Variants in CAMK4 observed in about 807,000 individuals in gnomAD.
CAMK4 encodes calcium/calmodulin-dependent protein kinase type IV.
In CAMK4, 22 loss-of-function variants were observed where a neutral mutation model predicts 44.9. That is an observed-to-expected ratio of 0.49 (90% CI 0.35 to 0.70). The LOEUF is 0.70. CAMK4 is among the 30% of genes least tolerant of loss of function. CAMK4 has a pLI of 0.01. For missense variants in CAMK4, 498 were observed against 586.8 expected (o/e 0.85, Z 1.56); for synonymous variants, 218 against 215.4 (o/e 1.01, Z -0.11).
chr5:111,387,767 C>T (rs958799469), intron 4 of CAMK4, among the ~76,000 whole-genome samples: 19 of 152,162 alleles, frequency 1.2e-4, no homozygotes, highest in African/African-American at 4.1e-4. Flanking sequence ...GTGGGTGATC[C>T]AAGCAACAAT....
At chr5:111,300,819 TC>T (rs778384099) in intron 1 of CAMK4, among the ~76,000 whole-genome samples, 1 of 152,198 alleles carries the variant, frequency 6.6e-6, no homozygotes, top group Non-Finnish European at 1.5e-5. Flanking sequence ...ATAAGAATTC[TC>T]CTAAGAATTG....
intron 1 of CAMK4, among the ~76,000 whole-genome samples, chr5:111,274,830 A>G (rs1043960344): frequency 6.6e-6 from 1 of 152,128 alleles, no homozygotes; most frequent in African/African-American, 2.4e-5. Context: ...GTAGGCAACT[A>G]TCAGTTTCTT....
At chr5:111,473,449 C>A in intron 8 of CAMK4, 63 bp downstream of exon 8, 2 of 997,920 alleles carry the variant, frequency 2.0e-6, no homozygotes, top group Non-Finnish European at 3.1e-6. Flanking sequence ...TTCTAGATAC[C>A]TCTAATGCTC....
At chr5:111,355,817 A>G (rs1750324103) in intron 2 of CAMK4, among the ~76,000 whole-genome samples, 2 of 148,588 alleles carry the variant, frequency 1.3e-5, no homozygotes, top group African/African-American at 2.5e-5. Context: ...CCATGTCCCT[A>G]CAAAGGACAT....
intron 1 of CAMK4, among the ~76,000 whole-genome samples, chr5:111,279,152 T>C (rs1750897811): frequency 1.3e-5 from 2 of 152,166 alleles, no homozygotes; most frequent in Admixed American, 1.3e-4. Flanking sequence ...TTTCTTTTAT[T>C]TGTAGCAAAT....
At chr5:111,394,314 A>T (rs1751917247) in intron 4 of CAMK4, among the ~76,000 whole-genome samples, 1 of 152,114 alleles carries the variant, frequency 6.6e-6, no homozygotes. Flanking sequence ...CTTCAAAATA[A>T]TAAGGAAGGA....
chr5:111,473,043 C>T (rs1755117340), intron 7 of CAMK4, among the ~76,000 whole-genome samples: 1 of 152,144 alleles, frequency 6.6e-6, no homozygotes, highest in Admixed American at 6.5e-5. Flanking sequence ...GCTCTATCTA[C>T]TTGATTTGAG....
At chr5:111,352,287 G>A (rs1268544602) in intron 2 of CAMK4, among the ~76,000 whole-genome samples, 1 of 152,066 alleles carries the variant, frequency 6.6e-6, no homozygotes, top group Non-Finnish European at 1.5e-5. Flanking sequence ...TTTATAATGT[G>A]TCAGAGACTG....
intron 5 of CAMK4, among the ~76,000 whole-genome samples, chr5:111,414,167 A>C (rs901677172): frequency 2.0e-5 from 3 of 152,192 alleles, no homozygotes; most frequent in Admixed American, 2.0e-4. Flanking sequence ...TAAGTGACTG[A>C]GATGCTGCTA....
intron 1 of CAMK4, among the ~76,000 whole-genome samples, chr5:111,228,962 A>G (rs1040719545): frequency 6.6e-6 from 1 of 152,224 alleles, no homozygotes; most frequent in African/African-American, 2.4e-5. Flanking sequence ...TAAGAGTGCC[A>G]GGGGCTGTGT....
intron 1 of CAMK4, among the ~76,000 whole-genome samples, chr5:111,329,290 T>C (rs1749048033): frequency 6.6e-6 from 1 of 151,936 alleles, no homozygotes; most frequent in Non-Finnish European, 1.5e-5. Flanking sequence ...GGGCGAAAAC[T>C]GTAAGCATTC....
intron 4 of CAMK4, among the ~76,000 whole-genome samples, chr5:111,392,349 A>G (rs1341598021): frequency 2.0e-5 from 3 of 151,856 alleles, no homozygotes; most frequent in Non-Finnish European, 2.9e-5. Flanking sequence ...ATAAGATCTC[A>G]TGACAACTCA....
intron 7 of CAMK4, among the ~76,000 whole-genome samples, chr5:111,453,492 G>T (rs1754305146): frequency 6.6e-6 from 1 of 152,136 alleles, no homozygotes; most frequent in African/African-American, 2.4e-5. Context: ...AGTTGGTGGG[G>T]AGGAAACTGT....
At chr5:111,374,374 G>C (rs1204200294) in intron 2 of CAMK4, among the ~76,000 whole-genome samples, 1 of 152,088 alleles carries the variant, frequency 6.6e-6, no homozygotes, top group Non-Finnish European at 1.5e-5. Flanking sequence ...GGGATGACTT[G>C]GGTCTGGTGA....
intron 5 of CAMK4, among the ~76,000 whole-genome samples, chr5:111,440,727 C>A (rs899565952): frequency 6.7e-6 from 1 of 148,756 alleles, no homozygotes; most frequent in Non-Finnish European, 1.5e-5. Flanking sequence ...GTAATTGAAA[C>A]CTCTTTTTCA....
chr5:111,394,860 A>G (rs1053592741), intron 5 of CAMK4, 78 bp downstream of exon 5: 8 of 863,880 alleles, frequency 9.3e-6, no homozygotes, highest in Non-Finnish European at 1.4e-5. Flanking sequence ...AGAAATGCGC[A>G]TCTGTGATAA....
chr5:111,460,272 T>TTTTTC (rs1754598164), intron 7 of CAMK4, among the ~76,000 whole-genome samples: 4 of 117,944 alleles, frequency 3.4e-5, no homozygotes, highest in African/African-American at 2.0e-4. Context: ...TTTCTTTTTC[T>TTTTTC]TTTTTTTTTT....
At chr5:111,480,182 T>C (rs1755383767) in intron 9 of CAMK4, among the ~76,000 whole-genome samples, 1 of 151,588 alleles carries the variant, frequency 6.6e-6, no homozygotes, top group Non-Finnish European at 1.5e-5. Flanking sequence ...GATATTGCCA[T>C]GGCTCTTCTG....
rs1348149773 is a variant in CAMK4, at chr5:111,273,693, A to ATATATATATT, written c.161+49058_161+49059insTTATATATAT. Among the ~76,000 whole-genome samples, 80 of 50,492 alleles carry ATATATATATT rather than the reference A, an allele frequency of 1.6e-3. 2 individuals are homozygous for ATATATATATT. The highest frequency in any genetic ancestry group is 2.2e-3 in the Non-Finnish European group (67 of 30,628). 33.1% of individuals were successfully genotyped at this position (50,492 alleles called of 152,430 possible). On this transcript the variant is annotated intron_variant, in intron 1 of 10. Transcript: ENST00000282356. ...AAAATGCATTTATATATATATATAT[A>ATATATATATT]TATATATATATATATATATATATAT...
Sources: allele counts gnomAD v4.1 joint callset (sites outside exome capture counted in the v4.1 genomes callset), GRCh38; gene constraint gnomAD v4.1.1; transcripts MANE v1.5; gene names NCBI Gene and HGNC (gene_info 2026-07-23, HGNC 2026-07-21).